PLXNA4: variants seen among roughly 807,000 people sequenced by gnomAD.
The protein encoded by PLXNA4 is plexin A4.
In PLXNA4, 44 loss-of-function variants were observed where a neutral mutation model predicts 191.8. That is an observed-to-expected ratio of 0.23 (90% CI 0.18 to 0.29). The LOEUF is 0.29. Among genes scored for constraint, PLXNA4 ranks in the 10% least tolerant of loss-of-function variants. PLXNA4 has a pLI of 1.00. For synonymous variants in PLXNA4, 1,082 were observed against 1,009.5 expected (o/e 1.07, Z -1.36); for missense variants, 1,800 against 2,488.8 (o/e 0.72, Z 5.89).
At chr7:132,134,807 G>T (rs971269282) in intron 30 of PLXNA4, among the ~76,000 whole-genome samples, 18 of 151,548 alleles carry the variant, frequency 1.2e-4, no homozygotes, top group African/African-American at 4.1e-4. Flanking sequence ...TCCATTCCCC[G>T]CCCCTCCTCC....
At chr7:132,588,746 A>G (rs1286467678) in intron 2 of PLXNA4, among the ~76,000 whole-genome samples, 9 of 150,290 alleles carry the variant, frequency 6.0e-5, no homozygotes, top group African/African-American at 2.2e-4. Flanking sequence ...AAAAGAAAGA[A>G]AGAGAGAAAG....
chr7:132,522,029 T>C (rs1799208617), intron 1 of PLXNA4, among the ~76,000 whole-genome samples: 1 of 152,104 alleles, frequency 6.6e-6, no homozygotes. Context: ...GCTGTGTCCA[T>C]GGGGAAAGAG....
chr7:132,357,089 G>A (rs753122928), intron 3 of PLXNA4, among the ~76,000 whole-genome samples: 7 of 152,188 alleles, frequency 4.6e-5, no homozygotes, highest in Non-Finnish European at 8.8e-5. Flanking sequence ...AAGGAATGTC[G>A]ACCAGCCAGA....
At chr7:132,264,041 CCT>C (rs1799753290) in intron 4 of PLXNA4, 2 of 152,114 alleles carry the variant, frequency 1.3e-5, no homozygotes, top group Admixed American at 1.3e-4. Context: ...AATCATTTTT[CCT>C]TTTTTGTTCA....
intron 3 of PLXNA4, among the ~76,000 whole-genome samples, chr7:132,449,160 T>C (rs1343779628): frequency 6.6e-6 from 1 of 152,172 alleles, no homozygotes; most frequent in East Asian, 1.9e-4. Context: ...CACATGACCT[T>C]ATAAGTTATC....
rs546724796 is a variant in PLXNA4 at position 132,140,960 on chromosome 7, A to G, written c.5226-149T>C. On this transcript the variant is annotated intron_variant, in intron 29 of 31. Coordinates refer to ENST00000321063, the MANE Select transcript of PLXNA4 (RefSeq NM_020911.2). ...ATGCTGCGGATGGGATGTGCCAGGG[A>G]AGGGAGGTGAGGCAGGTCTGCAGGG... The G allele has an allele frequency of 2.1e-5, 29 of 1,392,348 alleles. No homozygotes were observed. In the African/African-American group the frequency reaches 4.0e-4, roughly 19 times the overall value. 86.2% of individuals were successfully genotyped at this position (1,392,348 alleles called of 1,614,324 possible).
At chr7:132,359,888 C>T (rs561176911) in intron 3 of PLXNA4, among the ~76,000 whole-genome samples, 17 of 152,276 alleles carry the variant, frequency 1.1e-4, no homozygotes, top group East Asian at 1.9e-4. Context: ...AATACCTTAT[C>T]CCCTTGGGAG....
intron 2 of PLXNA4, among the ~76,000 whole-genome samples, chr7:132,498,592 CAT>C (rs1218892525): frequency 6.6e-6 from 1 of 152,180 alleles, no homozygotes; most frequent in Non-Finnish European, 1.5e-5. Context: ...TGGATGGGGA[CAT>C]AGCCAAACCA....
rs755982875 is a variant in PLXNA4 at position 132,508,102 on chromosome 7, T to C, written c.592A>G (p.Thr198Ala). 6.2e-7 allele frequency: 1 copy of C among 1,614,010 alleles called. No homozygotes were observed. The change falls in exon 2 of 32, where the codon ACC (threonine) becomes GCC (alanine). Residue 198 changes from threonine (T) to alanine (A), a missense_variant. This residue lies in a region of PLXNA4 where 1,397 missense variants were observed against 1,880.4 expected (regional missense o/e 0.74). Coordinates refer to ENST00000321063, the MANE Select transcript of PLXNA4 (RefSeq NM_020911.2). The surrounding 1 kb of genome is among the most constrained non-coding windows in gnomAD (Gnocchi z 4.4). ...AVDGKPEYFP[T>A]ISSRKLTKNS... ...TTGGTCAGTTTCCGGCTGGAGATGGTGGGAAAATACTCGGGCTTCCCATCC... is the reference window on the plus strand; with the variant it reads ...TTGGTCAGTTTCCGGCTGGAGATGGCGGGAAAATACTCGGGCTTCCCATCC...
At chr7:132,296,993 A>G (rs1170457201) in intron 4 of PLXNA4, among the ~76,000 whole-genome samples, 1 of 152,108 alleles carries the variant, frequency 6.6e-6, no homozygotes, top group Non-Finnish European at 1.5e-5. Flanking sequence ...AGAAGATGTC[A>G]TCGAGCTCTT....
At chr7:132,609,162 C>A (rs1802999887) in intron 2 of PLXNA4, among the ~76,000 whole-genome samples, 1 of 152,134 alleles carries the variant, frequency 6.6e-6, no homozygotes. Flanking sequence ...CACGTTTTGT[C>A]ATAATTACAT....
intron 3 of PLXNA4, among the ~76,000 whole-genome samples, chr7:132,445,616 C>T (rs538749567): frequency 1.1e-4 from 16 of 152,270 alleles, no homozygotes; most frequent in South Asian, 6.2e-4. Context: ...GCATTTTTCA[C>T]GCCAAAATTC....
At chr7:132,414,379 A>C (rs1585104262) in intron 3 of PLXNA4, among the ~76,000 whole-genome samples, 1 of 152,180 alleles carries the variant, frequency 6.6e-6, no homozygotes, top group Non-Finnish European at 1.5e-5. Flanking sequence ...GATGGGGAGA[A>C]TCCATCATGT....
chr7:132,556,802 G>A (rs917291391), intron 1 of PLXNA4, among the ~76,000 whole-genome samples: 1 of 152,180 alleles, frequency 6.6e-6, no homozygotes, highest in Non-Finnish European at 1.5e-5. Context: ...AATTTGCAAC[G>A]GACAGATTCC....
At chr7:132,563,814 C>G (rs1801530565) in intron 1 of PLXNA4, among the ~76,000 whole-genome samples, 1 of 85,610 alleles carries the variant, frequency 1.2e-5, no homozygotes, top group African/African-American at 4.1e-5. Flanking sequence ...TTCTCCTCCT[C>G]CTTCTCCTCC....
chr7:132,172,312 G>A (rs1009036177), intron 21 of PLXNA4, among the ~76,000 whole-genome samples: 1 of 152,210 alleles, frequency 6.6e-6, no homozygotes, highest in African/African-American at 2.4e-5. Flanking sequence ...ACTGCTCTGT[G>A]TTTTAAAAGG....
chr7:132,564,057 TCTC>T (rs1801578255), intron 1 of PLXNA4, among the ~76,000 whole-genome samples: 2 of 44,698 alleles, frequency 4.5e-5, no homozygotes, highest in Non-Finnish European at 8.2e-5. Flanking sequence ...TCCCCCTCTT[TCTC>T]CTCCTCCTTC....
At chr7:132,143,313 T>G (rs1795323534) in intron 29 of PLXNA4, among the ~76,000 whole-genome samples, 1 of 152,172 alleles carries the variant, frequency 6.6e-6, no homozygotes, top group Non-Finnish European at 1.5e-5. Context: ...TTTCCTTTGC[T>G]CAGACCTGAG....
intron 2 of PLXNA4, among the ~76,000 whole-genome samples, chr7:132,615,167 A>G (rs1469846612): frequency 6.6e-6 from 1 of 152,166 alleles, no homozygotes; most frequent in Non-Finnish European, 1.5e-5. Context: ...GAAGGGAGGA[A>G]TCTGGGAGAG....
Sources: allele counts gnomAD v4.1 joint callset (sites outside exome capture counted in the v4.1 genomes callset), GRCh38; gene constraint gnomAD v4.1.1; regional missense constraint gnomAD v4.1.1; non-coding constraint Gnocchi (gnomAD v3.1); transcripts MANE v1.5; gene names NCBI Gene and HGNC (gene_info 2026-07-23, HGNC 2026-07-21).